The following EML5 variants were observed in gnomAD, a reference collection of about 807,000 sequenced individuals.
EML5 encodes the protein echinoderm microtubule-associated protein-like 5.
In EML5, 120 loss-of-function variants were observed where a neutral mutation model predicts 250.0. The ratio of observed to expected loss-of-function variants is 0.48; its 90% CI spans 0.41 to 0.56. EML5 has a LOEUF of 0.56. Ranked by LOEUF, EML5 falls within the 20% of genes least tolerant of loss-of-function variation. The pLI is 0.00. For synonymous variants in EML5, 771 were observed against 806.5 expected (o/e 0.96, Z 0.75); for missense variants, 2,006 against 2,437.6 (o/e 0.82, Z 3.73).
Position 88,658,296 on chromosome 14 carries a change from T to C in EML5, c.3768A>G (p.Leu1256=), listed in dbSNP as rs994520656. Residue 1256 remains leucine (L), a synonymous_variant, in exon 26 of 44, where the codon CTA becomes CTG. Coordinates refer to ENST00000554922, the MANE Select transcript of EML5 (RefSeq NM_183387.3). ...WTYDDSMLVT[L]GGTDMSLMVW... The stretch of plus-strand genomic sequence containing the variant: ...CCATTAAAGACATATCTGTACCGCC[T>C]AGGGTAACCAACATGCTGTCATCAT... 3.1e-6 allele frequency: 5 copies of C among 1,613,726 alleles called. No individual in the cohort carries two copies. The African/African-American group carries it at 6.7e-5, about 22-fold the overall frequency.
intron 36 of EML5, chr14:88,624,078 TTTTG>T (rs1419887977): frequency 6.6e-6 from 1 of 152,172 alleles, no homozygotes; most frequent in Non-Finnish European, 1.5e-5. Flanking sequence ...TTTTTTTTGT[TTTTG>T]TTTTTGTTTT....
At chr14:88,671,492 T>C (rs1329866338) in intron 21 of EML5, among the ~76,000 whole-genome samples, 3 of 152,114 alleles carry the variant, frequency 2.0e-5, no homozygotes, top group Non-Finnish European at 4.4e-5. Context: ...AGCAACTACA[T>C]TAAGTGTGCA....
Position 88,661,911 on chromosome 14 carries a change from G to A in EML5, c.3499-81C>T, listed in dbSNP as rs144072919. 129 of 1,210,012 alleles carry A rather than the reference G, an allele frequency of 1.1e-4. 1 individual carries two copies. In the African/African-American group the frequency reaches 1.7e-3, roughly 16 times the overall value. 75.0% of individuals were successfully genotyped at this position (1,210,012 alleles called of 1,614,324 possible). ...AACCAAAATGTAAACATTTTTCTTT[G>A]TAGTTATGTGTGTCACAAGTAAAAT... is the stretch of plus-strand genomic sequence containing the variant. On this transcript the variant is annotated intron_variant, in intron 24 of 43. Coordinates refer to ENST00000554922, the MANE Select transcript of EML5 (RefSeq NM_183387.3).
intron 14 of EML5, among the ~76,000 whole-genome samples, chr14:88,697,985 C>G (rs1380295748): frequency 6.6e-6 from 1 of 152,100 alleles, no homozygotes; most frequent in Non-Finnish European, 1.5e-5. Flanking sequence ...GATCTGCCTG[C>G]CTCGGCCTCC....
At chr14:88,654,051 T>A (rs1021201510) in intron 27 of EML5, among the ~76,000 whole-genome samples, 2 of 152,198 alleles carry the variant, frequency 1.3e-5, no homozygotes, top group Non-Finnish European at 2.9e-5. Flanking sequence ...ACTTCTAGAT[T>A]TTCTAGTTTA....
chr14:88,627,150 A>C, intron 34 of EML5, 104 bp from the exon 35 acceptor site: 2 of 1,164,164 alleles, frequency 1.7e-6, no homozygotes, highest in Non-Finnish European at 1.2e-6. Flanking sequence ...AAAGGCTTAG[A>C]AGAGAGGCCA....
rs1019639709 is a variant in EML5 at position 88,738,999 on chromosome 14, T to C, written c.727A>G (p.Met243Val). The change falls in exon 6 of 44, where the codon ATG (methionine) becomes GTG (valine). Residue 243 changes from methionine to valine, a missense_variant. By Grantham distance (21) the Met-to-Val change is conservative. Coordinates refer to ENST00000554922, the MANE Select transcript of EML5 (RefSeq NM_183387.3). ...QGAHAAGIFS[M>V]NACEEGFATG... ...GCAAAGCCTTCTTCACAAGCATTCA[T>C]GCTAAAAATTCCTGCCTAGAAGAGG... 6.2e-7 allele frequency: 1 copy of C among 1,604,806 alleles called. No individual in the cohort carries two copies.
intron 9 of EML5, among the ~76,000 whole-genome samples, chr14:88,714,399 G>C (rs534214900): frequency 6.6e-6 from 1 of 152,088 alleles, no homozygotes; most frequent in Non-Finnish European, 1.5e-5. Context: ...AGGTTGGTGG[G>C]GGCCGGGGTG....
chr14:88,643,831 T>C (rs934817892), intron 30 of EML5, among the ~76,000 whole-genome samples: 1 of 152,226 alleles, frequency 6.6e-6, no homozygotes, highest in African/African-American at 2.4e-5. Flanking sequence ...TCATTGACTT[T>C]GTAGGACTAG....
intron 1 of EML5, among the ~76,000 whole-genome samples, chr14:88,769,039 A>G (rs2094357222): frequency 6.6e-6 from 1 of 152,366 alleles, no homozygotes; most frequent in Admixed American, 6.5e-5. Flanking sequence ...TCTTAAATGC[A>G]TAGAGGTCTG....
At chr14:88,746,769 G>C (rs1046444204) in intron 2 of EML5, among the ~76,000 whole-genome samples, 7 of 152,082 alleles carry the variant, frequency 4.6e-5, no homozygotes, top group African/African-American at 1.7e-4. Context: ...CTAAGGTGGG[G>C]ATTTGAATTG....
chr14:88,773,068 A>T (rs965162003), intron 1 of EML5, among the ~76,000 whole-genome samples: 3 of 152,198 alleles, frequency 2.0e-5, no homozygotes, highest in Non-Finnish European at 4.4e-5. Context: ...TCTGCATGCC[A>T]GTGTTACAAG....
intron 15 of EML5, among the ~76,000 whole-genome samples, chr14:88,695,769 C>A (rs2093064490): frequency 6.6e-6 from 1 of 151,752 alleles, no homozygotes; most frequent in African/African-American, 2.4e-5. Context: ...AAAGGGAAAA[C>A]TAACAAAGGG....
intron 17 of EML5, among the ~76,000 whole-genome samples, chr14:88,692,145 C>T (rs1004118199): frequency 1.3e-5 from 2 of 152,046 alleles, no homozygotes; most frequent in African/African-American, 2.4e-5. Context: ...GAGGCCAAGG[C>T]GGGTTGATCA....
chr14:88,789,753 A>G (rs1162839010), intron 1 of EML5, among the ~76,000 whole-genome samples: 1 of 152,060 alleles, frequency 6.6e-6, no homozygotes, highest in Non-Finnish European at 1.5e-5. Context: ...CAGTAAGCAA[A>G]TGATAGACTA....
chr14:88,622,642 G>C lies in EML5; in HGVS notation c.4975C>G (p.Gln1659Glu). 1 of 1,607,662 alleles carries C rather than the reference G, an allele frequency of 6.2e-7. No homozygotes were observed. The highest frequency in any genetic ancestry group is 8.5e-7 in the Non-Finnish European group (1 of 1,177,612). ...RCRAFRLETG[Q>E]ATDCVRSVCR... is the part of the protein sequence containing the mutation. ...ACAGAACGAACACAATCTGTGGCTT[G>C]TCCTGTCTCAAGCCTGAAGGCACGG... Residue 1659 changes from glutamine (Q) to glutamate (E), a missense_variant, in exon 37 of 44, where the codon CAA becomes GAA. Coordinates refer to ENST00000554922, the MANE Select transcript of EML5 (RefSeq NM_183387.3).
At chr14:88,748,018 T>C (rs1431046134) in intron 2 of EML5, among the ~76,000 whole-genome samples, 1 of 152,048 alleles carries the variant, frequency 6.6e-6, no homozygotes, top group Admixed American at 6.6e-5. Flanking sequence ...AGTCCTGTAA[T>C]CACCCGAGCT....
intron 1 of EML5, among the ~76,000 whole-genome samples, chr14:88,785,716 T>C (rs1297671040): frequency 1.3e-5 from 2 of 151,398 alleles, no homozygotes; most frequent in Non-Finnish European, 2.9e-5. Flanking sequence ...TTTGCTCTTT[T>C]GTCACTACTT....
intron 9 of EML5, among the ~76,000 whole-genome samples, chr14:88,713,963 G>C (rs960258257): frequency 1.3e-5 from 2 of 150,144 alleles, no homozygotes; most frequent in African/African-American, 4.9e-5. Context: ...CCGACCTCCC[G>C]AATAGCTGGG....
Sources: allele counts gnomAD v4.1 joint callset (sites outside exome capture counted in the v4.1 genomes callset), GRCh38; gene constraint gnomAD v4.1.1; transcripts MANE v1.5; gene names NCBI Gene and HGNC (gene_info 2026-07-23, HGNC 2026-07-21).